SLC9A9: variants seen among roughly 807,000 people sequenced by gnomAD.
The protein encoded by SLC9A9 is sodium/hydrogen exchanger 9.
Under a neutral mutation model 77.8 loss-of-function variants are expected in SLC9A9, and 62 were observed. That is an observed-to-expected ratio of 0.80 (90% CI 0.65 to 0.98). SLC9A9 has a LOEUF of 0.98. SLC9A9 is among the 50% of genes least tolerant of loss of function. The pLI is 0.00. For missense variants in SLC9A9, 775 were observed against 774.9 expected (o/e 1.00, Z 0.00); for synonymous variants, 320 against 283.5 (o/e 1.13, Z -1.29).
At chr3:143,267,618 G>A (rs528847790) in intron 15 of SLC9A9, among the ~76,000 whole-genome samples, 12 of 152,212 alleles carry the variant, frequency 7.9e-5, no homozygotes, top group African/African-American at 2.9e-4. Flanking sequence ...CTCCCAAAGT[G>A]CTGGGATTAC....
chr3:143,290,394 T>C (rs951732048), intron 14 of SLC9A9, among the ~76,000 whole-genome samples: 2 of 152,184 alleles, frequency 1.3e-5, no homozygotes, highest in Non-Finnish European at 2.9e-5. Context: ...GTTCAATACA[T>C]ATTTGCTAAA....
At chr3:143,359,638 C>G (rs1265491617) in intron 14 of SLC9A9, among the ~76,000 whole-genome samples, 1 of 152,160 alleles carries the variant, frequency 6.6e-6, no homozygotes, top group Non-Finnish European at 1.5e-5. Context: ...ACGGACCAGA[C>G]TGTGACTTGA....
In SLC9A9 at chr3:143,848,370, A is replaced by T; in HGVS notation, c.-48T>A. On this transcript the variant is annotated 5_prime_UTR_variant, in exon 1 of 16. Coordinates refer to ENST00000316549, the MANE Select transcript of SLC9A9 (RefSeq NM_173653.4). ...TTAGATAAAAACCTGGATAAAGGCTATTTTATCAAGATTTGCCTAAGACAG... is the reference window on the plus strand; with the variant it reads ...TTAGATAAAAACCTGGATAAAGGCTTTTTTATCAAGATTTGCCTAAGACAG... 1 of 1,612,022 alleles carries T rather than the reference A, an allele frequency of 6.2e-7. No homozygotes were observed. The highest frequency in any genetic ancestry group is 8.5e-7 in the Non-Finnish European group (1 of 1,178,406).
chr3:143,563,105 A>G (rs1371132227), intron 8 of SLC9A9, among the ~76,000 whole-genome samples: 1 of 152,160 alleles, frequency 6.6e-6, no homozygotes, highest in Non-Finnish European at 1.5e-5. Context: ...ATAGTATCTA[A>G]AAGAACTGTT....
At chr3:143,278,769 C>A (rs1938127044) in intron 14 of SLC9A9, among the ~76,000 whole-genome samples, 1 of 152,204 alleles carries the variant, frequency 6.6e-6, no homozygotes, top group African/African-American at 2.4e-5. Context: ...GGGGTTAGGA[C>A]TTCAACATGC....
intron 14 of SLC9A9, chr3:143,314,562 C>A (rs1202012693): frequency 6.6e-6 from 1 of 152,234 alleles, no homozygotes; most frequent in African/African-American, 2.4e-5. Context: ...AAACAAAGCT[C>A]CATGGAAACG....
rs181481638 is a variant in SLC9A9 at position 143,633,431 on chromosome 3, G to A, written c.755+18824C>T. On this transcript the variant is annotated intron_variant, in intron 6 of 15. Transcript: ENST00000316549. ...TACACTATACATTTTCAGAAACTTC[G>A]TTTTTTAACTTAAAATGTCTTAGAG... is the stretch of plus-strand genomic sequence containing the variant. Among the ~76,000 whole-genome samples, 257 of 151,978 alleles carry A rather than the reference G, an allele frequency of 1.7e-3. 1 individual carries two copies. Among genetic ancestry groups the A allele is most frequent in the African/African-American group, 5.9e-3 (245 of 41,476 alleles).
At chr3:143,594,618 G>A (rs1027933337) in intron 6 of SLC9A9, among the ~76,000 whole-genome samples, 6 of 152,104 alleles carry the variant, frequency 3.9e-5, no homozygotes, top group Admixed American at 2.6e-4. Flanking sequence ...GTGCATCAAC[G>A]AAAGGTTTGT....
intron 5 of SLC9A9, among the ~76,000 whole-genome samples, chr3:143,685,378 C>T (rs1316697332): frequency 6.6e-6 from 1 of 152,028 alleles, no homozygotes; most frequent in Non-Finnish European, 1.5e-5. Flanking sequence ...GATACAGCAA[C>T]TCTAGAATGT....
chr3:143,502,634 C>A (rs2035942644), intron 9 of SLC9A9, among the ~76,000 whole-genome samples: 1 of 152,102 alleles, frequency 6.6e-6, no homozygotes, highest in Non-Finnish European at 1.5e-5. Flanking sequence ...ATTAAATTCA[C>A]ATGAATTCCT....
intron 13 of SLC9A9, among the ~76,000 whole-genome samples, chr3:143,369,672 A>C (rs1205109863): frequency 6.6e-6 from 1 of 152,138 alleles, no homozygotes; most frequent in African/African-American, 2.4e-5. Flanking sequence ...AATCTCTTTG[A>C]AGGAAAAAAA....
chr3:143,612,675 G>A (rs1008898556), intron 6 of SLC9A9, among the ~76,000 whole-genome samples: 4 of 152,172 alleles, frequency 2.6e-5, no homozygotes, highest in African/African-American at 7.2e-5. Flanking sequence ...AGTCTGAGCC[G>A]ATTTGAAATG....
At chr3:143,543,251 C>A (rs2036716511) in intron 9 of SLC9A9, among the ~76,000 whole-genome samples, 1 of 152,144 alleles carries the variant, frequency 6.6e-6, no homozygotes, top group South Asian at 2.1e-4. Context: ...TTTTCATTCT[C>A]AGCTGTCTTC....
At chr3:143,453,546 T>C (rs2035041581) in intron 12 of SLC9A9, among the ~76,000 whole-genome samples, 1 of 152,066 alleles carries the variant, frequency 6.6e-6, no homozygotes. Flanking sequence ...TACTAACAAA[T>C]TAAAAGAAGA....
At chr3:143,621,582 C>G (rs891431940) in intron 6 of SLC9A9, among the ~76,000 whole-genome samples, 3 of 152,182 alleles carry the variant, frequency 2.0e-5, no homozygotes, top group African/African-American at 7.2e-5. Flanking sequence ...AACTAACAAA[C>G]AGAAAGGACA....
At chr3:143,650,348 C>T (rs1213537461) in intron 6 of SLC9A9, among the ~76,000 whole-genome samples, 4 of 152,110 alleles carry the variant, frequency 2.6e-5, no homozygotes, top group South Asian at 2.1e-4. Flanking sequence ...AGAGGAAATA[C>T]GTGTGTGTAA....
chr3:143,501,081 AG>A (rs2035915398), intron 9 of SLC9A9, among the ~76,000 whole-genome samples: 1 of 150,688 alleles, frequency 6.6e-6, no homozygotes. Context: ...TTATTCAATA[AG>A]TCATCAGTAA....
chr3:143,764,205 A>G (rs917094361), intron 4 of SLC9A9, among the ~76,000 whole-genome samples: 12 of 152,200 alleles, frequency 7.9e-5, no homozygotes, highest in African/African-American at 2.9e-4. Context: ...GTTGAGGTAT[A>G]TAACATACAA....
intron 5 of SLC9A9, among the ~76,000 whole-genome samples, chr3:143,670,817 C>G (rs917695871): frequency 2.6e-4 from 39 of 152,286 alleles, no homozygotes; most frequent in African/African-American, 7.9e-4. Context: ...GGTTTATTAT[C>G]CCTTCCCTCA....
Sources: gnomAD v4.1 joint callset for allele counts (sites outside exome capture counted in the v4.1 genomes callset) on GRCh38, gnomAD v4.1.1 for gene constraint, MANE v1.5 for transcripts, NCBI Gene and HGNC (gene_info 2026-07-23, HGNC 2026-07-21) for gene names.